The following PTPN14 variants were observed in gnomAD, a reference collection of about 807,000 sequenced individuals.
The protein encoded by PTPN14 is tyrosine-protein phosphatase non-receptor type 14.
PTPN14 carries 53 observed loss-of-function variants against 126.8 expected under a neutral mutation model. The ratio of observed to expected loss-of-function variants is 0.42; its 90% confidence interval spans 0.34 to 0.53. The LOEUF (loss-of-function observed/expected upper bound fraction) is 0.53. Ranked by LOEUF, PTPN14 falls within the 20% of genes least tolerant of loss-of-function variation. The pLI, the probability that PTPN14 is intolerant of heterozygous loss-of-function variation, is 0.08. For missense variants in PTPN14, 1,257 were observed against 1,552.9 expected (o/e 0.81, Z 3.20); for synonymous variants, 630 against 599.3 (o/e 1.05, Z -0.75).
intron 3 of PTPN14, among the ~76,000 whole-genome samples, chr1:214,449,623 AATC>A (rs1660227515): frequency 6.6e-6 from 1 of 152,216 alleles, no homozygotes; most frequent in Non-Finnish European, 1.5e-5. Context: ...AGCCAACGGA[AATC>A]ATCACATTTT....
rs1004833443 is a variant in PTPN14 at position 214,348,881 on chromosome 1, A to T, written c.*9041T>A. On this transcript the variant is annotated 3_prime_UTR_variant, in exon 19 of 19. Coordinates refer to ENST00000366956, the MANE Select transcript of PTPN14 (RefSeq NM_005401.5). ...ATAAGACTTTATAAAAACAGATAGG[A>T]AACAGTGCAAAAAATACTGTCAAAG... 1.1e-4 allele frequency: 16 copies of T among 152,332 alleles called. No individual in the cohort carries two copies. Among genetic ancestry groups the T allele is most frequent in the African/African-American group, 3.8e-4 (16 of 41,578 alleles). The allele number at this position is 152,332 out of a possible 1,614,324, so 9.4% of individuals were successfully genotyped here.
chr1:214,370,148 C>T (rs368096021), intron 16 of PTPN14, among the ~76,000 whole-genome samples: 4 of 151,964 alleles, frequency 2.6e-5, no homozygotes, highest in Non-Finnish European at 5.9e-5. Flanking sequence ...GGCGCGGTGG[C>T]GGGTGCCTGT....
intron 15 of PTPN14, 60 bp downstream of exon 15, chr1:214,376,159 G>A (rs150263155): frequency 1.7e-5 from 25 of 1,483,002 alleles, no homozygotes; most frequent in East Asian, 9.1e-5. Flanking sequence ...TCTTCTCCCC[G>A]CATTTTTCCC....
chr1:214,471,029 A>AAC (rs200855152), intron 1 of PTPN14, among the ~76,000 whole-genome samples: 12,664 of 149,118 alleles, frequency 0.085, 601 homozygotes, highest in South Asian at 0.12. Context: ...CCATCTCAAA[A>AAC]AAAAAAAAAA....
chr1:214,509,460 G>A (rs1304348179), intron 1 of PTPN14, among the ~76,000 whole-genome samples: 1 of 152,204 alleles, frequency 6.6e-6, no homozygotes, highest in East Asian at 1.9e-4. Flanking sequence ...TCGGGATTAG[G>A]CTTTGGCTTA....
At chr1:214,363,677 G>A in intron 18 of PTPN14, among the ~76,000 whole-genome samples, 1 of 152,158 alleles carries the variant, frequency 6.6e-6, no homozygotes, top group Admixed American at 6.5e-5. Context: ...AATTATTTCT[G>A]GGCCTCAGTT....
chr1:214,482,651 T>G (rs956380280), intron 1 of PTPN14, among the ~76,000 whole-genome samples: 11 of 152,176 alleles, frequency 7.2e-5, no homozygotes, highest in Non-Finnish European at 1.5e-4. Context: ...ACGTTGAACT[T>G]TCATACTGAT....
intron 1 of PTPN14, among the ~76,000 whole-genome samples, chr1:214,513,385 G>A (rs557510840): frequency 2.0e-5 from 3 of 151,856 alleles, no homozygotes; most frequent in East Asian, 3.9e-4. Flanking sequence ...ATTTGAACAT[G>A]TTGCCACCAT....
chr1:214,472,565 GC>G (rs1237967682), intron 1 of PTPN14, among the ~76,000 whole-genome samples: 1 of 152,180 alleles, frequency 6.6e-6, no homozygotes, highest in East Asian at 1.9e-4. Context: ...GAGATCACTA[GC>G]TTTTTGACAT....
intron 4 of PTPN14, among the ~76,000 whole-genome samples, chr1:214,414,133 G>A (rs1659373079): frequency 6.6e-6 from 1 of 152,158 alleles, no homozygotes; most frequent in Admixed American, 6.5e-5. Context: ...AGGATGGATT[G>A]AAAGATAAAT....
intron 1 of PTPN14, chr1:214,531,499 AACACACACACACACACACACACACAC>A (rs58506242): frequency 2.3e-5 from 3 of 129,556 alleles, no homozygotes; most frequent in African/African-American, 3.0e-5. Context: ...AACCCAGCCT[AACACACACACACACACACACACACAC>A]ACACACACAC....
At chr1:214,521,549 C>T (rs887775885) in intron 1 of PTPN14, among the ~76,000 whole-genome samples, 10 of 152,054 alleles carry the variant, frequency 6.6e-5, no homozygotes, top group Non-Finnish European at 1.2e-4. Context: ...CCCATTTCTA[C>T]TAAAAAATAC....
intron 10 of PTPN14, among the ~76,000 whole-genome samples, chr1:214,393,436 C>T (rs757549605): frequency 1.3e-5 from 2 of 152,216 alleles, no homozygotes; most frequent in African/African-American, 2.4e-5. Flanking sequence ...TGGAAAGGCG[C>T]TAATGTGGGC....
intron 1 of PTPN14, among the ~76,000 whole-genome samples, chr1:214,492,114 G>C (rs1034187633): frequency 6.6e-6 from 1 of 151,258 alleles, no homozygotes; most frequent in African/African-American, 2.4e-5. Flanking sequence ...TTTAAAATAT[G>C]ATATTCATTA....
rs1373804718 is a variant in PTPN14, at chr1:214,350,157, CT to C, written c.*7764del. 1 of 152,228 alleles carries C rather than the reference CT, an allele frequency of 6.6e-6. No homozygotes were observed. Among genetic ancestry groups the C allele is most frequent in the African/African-American group, 2.4e-5 (1 of 41,452 alleles). The allele number at this position is 152,228 out of a possible 1,614,324, so 9.4% of individuals were successfully genotyped here. ...TACAGATTTTGGATGACCCGCTAAT[CT>C]TTCCCCTTCCTAGGTAAGTGAAAAC... On this transcript the variant is annotated 3_prime_UTR_variant, in exon 19 of 19. Transcript: ENST00000366956.
At chr1:214,408,681 T>C (rs78241855) in intron 5 of PTPN14, among the ~76,000 whole-genome samples, 2,606 of 152,180 alleles carry the variant, frequency 0.017, 82 homozygotes, top group African/African-American at 0.059. Context: ...GAACTACACA[T>C]ACGAAAACTG....
intron 3 of PTPN14, among the ~76,000 whole-genome samples, chr1:214,441,595 A>T (rs1443990526): frequency 6.6e-6 from 1 of 152,204 alleles, no homozygotes; most frequent in Non-Finnish European, 1.5e-5. Flanking sequence ...TTTAAAATCC[A>T]TTTTTGAAAT....
rs948764006 is a variant in PTPN14, at chr1:214,364,425, A to C, written c.3435+87T>G. On this transcript the variant is annotated intron_variant, in intron 18 of 18. Transcript: ENST00000366956. This position sits in a 1 kb window ranked among gnomAD's most constrained non-coding sequence, Gnocchi z 4.1. ...TGGGAGACAGGAAATTAACCACTGA[A>C]AATGCAAGGGTGCAGGCAAAGGTTT... The C allele has an allele frequency of 6.7e-7, 1 of 1,484,620 alleles. No individual in the cohort carries two copies. The highest frequency in any genetic ancestry group is 9.0e-7 in the Non-Finnish European group (1 of 1,105,446). 92.0% of individuals were successfully genotyped at this position (1,484,620 alleles called of 1,614,324 possible).
At chr1:214,526,032 T>C (rs6665807) in intron 1 of PTPN14, among the ~76,000 whole-genome samples, 56,852 of 150,814 alleles carry the variant, frequency 0.38, 14,344 homozygotes, top group African/African-American at 0.71. Context: ...GTGGCATGAT[T>C]TCAGCTCGCT....
Sources: gnomAD v4.1 joint callset for allele counts (sites outside exome capture counted in the v4.1 genomes callset) on GRCh38, gnomAD v4.1.1 for gene constraint, Gnocchi (gnomAD v3.1) non-coding constraint, MANE v1.5 for transcripts, NCBI Gene and HGNC (gene_info 2026-07-23, HGNC 2026-07-21) for gene names.